Variants in CACNA1A observed in about 807,000 individuals in gnomAD.
CACNA1A encodes calcium voltage-gated channel subunit alpha1 A, also known as voltage-dependent P/Q-type calcium channel subunit alpha-1A.
In CACNA1A, 57 loss-of-function variants were observed where a neutral mutation model predicts 262.4. The ratio of observed to expected loss-of-function variants is 0.22; its 90% CI spans 0.18 to 0.27. The LOEUF (loss-of-function observed/expected upper bound fraction) is 0.27, where lower values mean the gene tolerates loss of function less well. Ranked by LOEUF, CACNA1A falls within the 10% of genes least tolerant of loss-of-function variation. The pLI, the probability that CACNA1A is intolerant of heterozygous loss-of-function variation, is 1.00. For missense variants in CACNA1A, 2,526 were observed against 3,562.8 expected (o/e 0.71, Z 7.41); for synonymous variants, 1,431 against 1,419.3 (o/e 1.01, Z -0.18).
chr19:13,306,394 A>G (rs1284476628), intron 15 of CACNA1A, among the ~76,000 whole-genome samples: 1 of 151,966 alleles, frequency 6.6e-6, no homozygotes, highest in East Asian at 1.9e-4. Context: ...CTTTTTTTTA[A>G]GAGACAGGGC....
Position 13,212,180 on chromosome 19 carries a change from A to T in CACNA1A, c.6226T>A (p.Ser2076Thr). ...EMREMGRDGY[S>T]DSEHYLPMEG... ...ATGGGGAGGTAGTGCTCGCTGTCGG[A>T]GTAGCCATCTCTGCCCATCTCTCGC... The change falls in exon 43 of 47, where the codon TCC becomes ACC. Residue 2076 changes from serine (S) to threonine (T), a missense_variant. Physicochemically the swap from Ser to Thr is moderately conservative, Grantham distance 58 (BLOSUM62 1). This residue lies in a region of CACNA1A where 929 missense variants were observed against 868.1 expected (regional missense o/e 1.07). Coordinates refer to ENST00000360228, the MANE Select transcript of CACNA1A (RefSeq NM_001127222.2). The surrounding 1 kb of genome is among the most constrained non-coding windows in gnomAD (Gnocchi z 5.6). 6.2e-7 allele frequency: 1 copy of T among 1,613,886 alleles called. No homozygotes were observed.
chr19:13,490,358 A>C (rs1471827840), intron 1 of CACNA1A, among the ~76,000 whole-genome samples: 1 of 152,158 alleles, frequency 6.6e-6, no homozygotes, highest in African/African-American at 2.4e-5. Context: ...TAATGCCAGC[A>C]CTTTGGGAGG....
chr19:13,390,768 T>C (rs187447541), intron 3 of CACNA1A, among the ~76,000 whole-genome samples: 29 of 152,254 alleles, frequency 1.9e-4, no homozygotes, highest in African/African-American at 7.0e-4. Context: ...GTAGATACTA[T>C]TTTCTCCATT....
intron 6 of CACNA1A, among the ~76,000 whole-genome samples, chr19:13,336,342 C>T (rs557812707): frequency 6.6e-6 from 1 of 152,272 alleles, no homozygotes; most frequent in East Asian, 1.9e-4. Context: ...GGTGAAATCA[C>T]CAAGCCAGAC....
intron 3 of CACNA1A, among the ~76,000 whole-genome samples, chr19:13,437,547 C>T (rs1280320418): frequency 6.6e-6 from 1 of 151,834 alleles, no homozygotes; most frequent in Non-Finnish European, 1.5e-5. Flanking sequence ...AAAAATTAGC[C>T]AGGTATGGTG....
intron 3 of CACNA1A, among the ~76,000 whole-genome samples, chr19:13,382,446 TAGG>T (rs906822849): frequency 3.3e-5 from 5 of 152,050 alleles, no homozygotes; most frequent in Non-Finnish European, 5.9e-5. Context: ...AAGAAGGAAT[TAGG>T]AGGAGAACAG....
At chr19:13,263,035 C>T in intron 24 of CACNA1A, 1 of 574,504 alleles carries the variant, frequency 1.7e-6, no homozygotes, top group South Asian at 2.0e-5. Context: ...AAGTACGTGG[C>T]TTTTTGTGGT....
At chr19:13,413,571 TA>T (rs58314938) in intron 3 of CACNA1A, among the ~76,000 whole-genome samples, 6,333 of 71,582 alleles carry the variant, frequency 0.088, 246 homozygotes, top group East Asian at 0.21. Context: ...GGTCCTGTCT[TA>T]AAAAAAAAAA....
chr19:13,291,985 G>A (rs925204956), intron 19 of CACNA1A, among the ~76,000 whole-genome samples: 1 of 152,112 alleles, frequency 6.6e-6, no homozygotes, highest in Non-Finnish European at 1.5e-5. Flanking sequence ...ATTAGGATGC[G>A]AACAGCAGAG....
Position 13,413,927 on chromosome 19 carries a change from GAAAGAAAGA to G in CACNA1A, c.539+38940_539+38948del, listed in dbSNP as rs1056298008. Among the ~76,000 whole-genome samples the G allele has an allele frequency of 5.0e-5, 6 of 118,848 alleles. 1 individual carries two copies. The highest frequency in any genetic ancestry group is 1.7e-4 in the African/African-American group (6 of 34,472). 78.0% of individuals were successfully genotyped at this position (118,848 alleles called of 152,430 possible). On this transcript the variant is annotated intron_variant, in intron 3 of 46. Coordinates refer to ENST00000360228, the MANE Select transcript of CACNA1A (RefSeq NM_001127222.2). ...AGAAAGAAAGAAAGAAAGAAAGAAAGAAAGAAAGAAAGAAAGAAAAGGAAGGCAAGGGAA... is the reference window on the plus strand; with the variant it reads ...AGAAAGAAAGAAAGAAAGAAAGAAAGAAGAAAGAAAAGGAAGGCAAGGGAA...
rs2144956514 is a variant in CACNA1A, at chr19:13,299,065, G to A, written c.2568C>T (p.Asp856=). The change falls in exon 19 of 47, where the codon GAC becomes GAT. Residue 856 remains aspartate, a synonymous_variant. Transcript: ENST00000360228. The part of the protein sequence containing the change: ...DQRLGQQRAE[D]FLRKQARYHD... ...GGTAGCGGGCCTGTTTCCTGAGGAA[G>A]TCCTCGGCGCGCTGCTGGCCGAGGC... 4 of 1,607,224 alleles carry A rather than the reference G, an allele frequency of 2.5e-6. No homozygotes were observed. Among genetic ancestry groups the A allele is most frequent in the Non-Finnish European group, 3.4e-6 (4 of 1,179,020 alleles).
At chr19:13,304,659 C>CAAAA (rs34159456) in intron 15 of CACNA1A, among the ~76,000 whole-genome samples, 14 of 103,446 alleles carry the variant, frequency 1.4e-4, no homozygotes, top group Admixed American at 1.0e-4. Flanking sequence ...ATTTTTGTCT[C>CAAAA]AAAAAAAAAA....
intron 3 of CACNA1A, among the ~76,000 whole-genome samples, chr19:13,414,787 A>G (rs1011923286): frequency 4.0e-5 from 6 of 151,574 alleles, no homozygotes. Flanking sequence ...GCGAAACTCC[A>G]TTTCTACCAA....
At chr19:13,481,133 G>A (rs1979253785) in intron 1 of CACNA1A, among the ~76,000 whole-genome samples, 3 of 152,134 alleles carry the variant, frequency 2.0e-5, no homozygotes. Flanking sequence ...CAAGCGAGGT[G>A]CCTGGCATAT....
rs936533797 is a variant in CACNA1A at position 13,208,847 on chromosome 19, T to C, written c.6689A>G (p.Gln2230Arg). The C allele has an allele frequency of 2.0e-6, 3 of 1,508,450 alleles. No individual in the cohort carries two copies. Among genetic ancestry groups the C allele is most frequent in the Admixed American group, 2.0e-5 (1 of 50,146 alleles). 93.4% of individuals were successfully genotyped at this position (1,508,450 alleles called of 1,614,324 possible). ...TGCCCGGCCGTGGTCCGGCCGTTCC[T>C]GGGCATAGCGGTCCTTGTCGGGGGG... The part of the protein sequence containing the change: ...PPPPDKDRYA[Q>R]ERPDHGRARA... The change falls in exon 46 of 47, where the codon CAG (glutamine) becomes CGG (arginine). Residue 2230 changes from glutamine (Q) to arginine (R), a missense_variant. Gln to Arg is a conservative substitution (Grantham distance 43, BLOSUM62 1). Coordinates refer to ENST00000360228, the MANE Select transcript of CACNA1A (RefSeq NM_001127222.2).
chr19:13,208,620 T>G, intron 46 of CACNA1A, 136 bp downstream of exon 46: 2 of 1,132,100 alleles, frequency 1.8e-6, no homozygotes, highest in South Asian at 1.6e-5. Flanking sequence ...CCCGGTGGCT[T>G]GGGGGCAGGA....
intron 36 of CACNA1A, chr19:13,228,963 CA>C (rs2055572144): frequency 7.1e-6 from 3 of 420,396 alleles, no homozygotes; most frequent in Non-Finnish European, 1.3e-5. Flanking sequence ...TGGGGAGACC[CA>C]GGGGTGTAGG....
intron 29 of CACNA1A, among the ~76,000 whole-genome samples, chr19:13,253,315 CCT>C (rs1491403384): frequency 2.4e-5 from 2 of 85,096 alleles, no homozygotes; most frequent in African/African-American, 8.4e-5. Context: ...CCTCCCCCAA[CCT>C]TTTTTTTTTT....
chr19:13,359,566 G>A (rs2059066198), intron 6 of CACNA1A, 40 bp downstream of exon 6: 1 of 1,530,800 alleles, frequency 6.5e-7, no homozygotes, highest in Non-Finnish European at 9.0e-7. Context: ...ACCTCCCTGA[G>A]ACTCTGATTG....
Sources: allele counts gnomAD v4.1 joint callset (sites outside exome capture counted in the v4.1 genomes callset), GRCh38; gene constraint gnomAD v4.1.1; regional missense constraint gnomAD v4.1.1; non-coding constraint Gnocchi (gnomAD v3.1); transcripts MANE v1.5; gene names NCBI Gene and HGNC (gene_info 2026-07-23, HGNC 2026-07-21).